Variants in ASB3 observed in about 807,000 individuals in gnomAD.
The protein encoded by ASB3 is ankyrin repeat and SOCS box containing 3.
A neutral mutation model predicts 54.5 loss-of-function variants in ASB3; 41 were observed. The observed-to-expected ratio is 0.75, with a 90% CI of 0.59 to 0.98. ASB3 has a LOEUF of 0.98. Among genes scored for constraint, ASB3 ranks in the 50% least tolerant of loss-of-function variants. The pLI is 0.00. For missense variants in ASB3, 733 were observed against 620.0 expected (o/e 1.18, Z -1.94); for synonymous variants, 266 against 221.2 (o/e 1.20, Z -1.80).
intron 3 of ASB3, among the ~76,000 whole-genome samples, chr2:53,734,507 C>G (rs549382034): frequency 3.7e-4 from 57 of 152,272 alleles, no homozygotes; most frequent in African/African-American, 1.3e-3. Context: ...TACTTAGTGC[C>G]TATTATGTAC....
chr2:53,692,155 AG>A (rs760773164), intron 9 of ASB3, among the ~76,000 whole-genome samples: 21 of 151,880 alleles, frequency 1.4e-4, no homozygotes, highest in African/African-American at 5.1e-4. Flanking sequence ...AAATGTCTAC[AG>A]GGGGGGCAAA....
intron 1 of ASB3, among the ~76,000 whole-genome samples, chr2:53,785,045 C>CT (rs1331696742): frequency 7.9e-5 from 12 of 152,208 alleles, no homozygotes; most frequent in African/African-American, 2.2e-4. Context: ...GGCCTTCTTT[C>CT]TATCACTCCA....
chr2:53,725,432 C>T (rs1182450113), intron 5 of ASB3, among the ~76,000 whole-genome samples: 4 of 152,154 alleles, frequency 2.6e-5, no homozygotes, highest in African/African-American at 4.8e-5. Context: ...CCCTCTGAAT[C>T]TGAAATAAAA....
In ASB3 at chr2:53,693,964, T is replaced by C. The variant is rs1258478612; in HGVS notation, c.1289A>G (p.Asn430Ser). ...DTLIFTLEFT[N>S]WKTLAPAVER... ...AACAGCTGGTGCAAGTGTCTTCCAA[T>C]TAGTAAACTCCAAAGTGAAGATAAG... The change falls in exon 9 of 10, where the codon AAT becomes AGT. Residue 430 changes from asparagine to serine, a missense_variant. Asn to Ser is a conservative substitution (Grantham distance 46, BLOSUM62 1). Coordinates refer to ENST00000263634, the MANE Select transcript of ASB3 (RefSeq NM_016115.5). 2 of 1,613,666 alleles carry C rather than the reference T, an allele frequency of 1.2e-6. No individual in the cohort carries two copies. The highest frequency in any genetic ancestry group is 1.3e-5 in the African/African-American group (1 of 75,038).
At chr2:53,723,298 T>A (rs1670811149) in intron 5 of ASB3, among the ~76,000 whole-genome samples, 1 of 152,142 alleles carries the variant, frequency 6.6e-6, no homozygotes, top group Non-Finnish European at 1.5e-5. Flanking sequence ...CACTATTCCT[T>A]TTTTTATTTT....
At chr2:53,670,738 G>T (rs1315910357) in intron 9 of ASB3, 48 bp from the exon 10 acceptor site, 18 of 1,561,920 alleles carry the variant, frequency 1.2e-5, no homozygotes, top group Non-Finnish European at 1.6e-5. Context: ...ACAGAAAGAT[G>T]TAATAGCACA....
chr2:53,763,058 T>G (rs1416717345), intron 2 of ASB3, among the ~76,000 whole-genome samples: 1 of 152,154 alleles, frequency 6.6e-6, no homozygotes, highest in Non-Finnish European at 1.5e-5. Flanking sequence ...GTATTAATAT[T>G]AGATAAACCT....
chr2:53,714,328 C>T, intron 7 of ASB3, 56 bp downstream of exon 7: 1 of 1,578,236 alleles, frequency 6.3e-7, no homozygotes, highest in Non-Finnish European at 8.6e-7. Context: ...CACTTCAAAA[C>T]ACATCTCCAT....
intron 1 of ASB3, among the ~76,000 whole-genome samples, chr2:53,779,157 G>A (rs1452505644): frequency 6.6e-6 from 1 of 152,088 alleles, no homozygotes; most frequent in Admixed American, 6.6e-5. Flanking sequence ...ATTTTTTCAT[G>A]TATCTGTTGG....
intron 8 of ASB3, among the ~76,000 whole-genome samples, chr2:53,699,055 T>C (rs1441187991): frequency 1.3e-5 from 2 of 152,226 alleles, no homozygotes; most frequent in Non-Finnish European, 2.9e-5. Context: ...ATTTATTTCT[T>C]ACAGTTCTGG....
At chr2:53,722,928 T>C (rs558639054) in intron 5 of ASB3, among the ~76,000 whole-genome samples, 1 of 152,276 alleles carries the variant, frequency 6.6e-6, no homozygotes, top group Admixed American at 6.5e-5. Flanking sequence ...TATGATTCTA[T>C]ACCAAGAAAA....
At chr2:53,675,457 T>C (rs776244984) in intron 9 of ASB3, among the ~76,000 whole-genome samples, 16 of 152,204 alleles carry the variant, frequency 1.1e-4, no homozygotes, top group Non-Finnish European at 2.2e-4. Context: ...GACTAGGCTT[T>C]ATTAATGTAA....
At chr2:53,674,834 G>GA (rs919073743) in intron 9 of ASB3, among the ~76,000 whole-genome samples, 2 of 151,804 alleles carry the variant, frequency 1.3e-5, no homozygotes, top group South Asian at 2.1e-4. Context: ...AAAACCGCTA[G>GA]AAAAAACACA....
chr2:53,670,656 C>T lies in ASB3; in HGVS notation c.1404G>A (p.Leu468=), dbSNP rs760278760. The change falls in exon 10 of 10, where the codon TTG becomes TTA. Residue 468 remains leucine, a synonymous_variant. Transcript: ENST00000263634. ...CTGATTTTAGACTGGACCGAATTTC[C>T]AAACGACAAAGATGGGTCAGGGATG... ...TVPSLTHLCR[L]EIRSSLKSER... is the part of the protein sequence containing the mutation. 21 of 1,613,674 alleles carry T rather than the reference C, an allele frequency of 1.3e-5. No homozygotes were observed. In the South Asian group the frequency reaches 2.2e-4, roughly 17 times the overall value.
intron 3 of ASB3, among the ~76,000 whole-genome samples, chr2:53,740,022 A>C (rs1558551795): frequency 6.6e-6 from 1 of 152,226 alleles, no homozygotes; most frequent in Non-Finnish European, 1.5e-5. Flanking sequence ...CTAAAAAATG[A>C]CATGGTCAGT....
chr2:53,725,171 G>A (rs1026048696), intron 5 of ASB3, among the ~76,000 whole-genome samples: 1 of 152,236 alleles, frequency 6.6e-6, no homozygotes, highest in African/African-American at 2.4e-5. Context: ...TATTCTAAGT[G>A]AATTAACAAA....
intron 5 of ASB3, among the ~76,000 whole-genome samples, chr2:53,717,917 G>A (rs572080189): frequency 5.9e-5 from 9 of 152,192 alleles, no homozygotes; most frequent in Admixed American, 1.3e-4. Context: ...TTTATTAATA[G>A]ACTAGGCCAA....
At chr2:53,750,327 G>C (rs1461166211) in intron 3 of ASB3, among the ~76,000 whole-genome samples, 1 of 152,082 alleles carries the variant, frequency 6.6e-6, no homozygotes, top group Non-Finnish European at 1.5e-5. Flanking sequence ...TAACAGAAGA[G>C]GTCTGAATTA....
intron 2 of ASB3, among the ~76,000 whole-genome samples, chr2:53,761,291 T>C (rs183139825): frequency 1.9e-4 from 29 of 152,250 alleles, no homozygotes; most frequent in South Asian, 1.0e-3. Context: ...TCAAATCATA[T>C]ATCGCCTGAG....
Sources: gnomAD v4.1 joint callset for allele counts (sites outside exome capture counted in the v4.1 genomes callset) on GRCh38, gnomAD v4.1.1 for gene constraint, MANE v1.5 for transcripts, NCBI Gene and HGNC (gene_info 2026-07-23, HGNC 2026-07-21) for gene names.